CAST: variants seen among roughly 807,000 people sequenced by gnomAD.
CAST encodes MIR583 host.
Under a neutral mutation model 119.6 loss-of-function variants are expected in CAST, and 76 were observed. The ratio of observed to expected loss-of-function variants is 0.64; its 90% confidence interval spans 0.53 to 0.77. CAST has a LOEUF of 0.77. Among genes scored for constraint, CAST ranks in the 30% least tolerant of loss-of-function variants. CAST has a pLI of 0.00. For missense variants in CAST, 953 were observed against 946.5 expected (o/e 1.01, Z -0.09); for synonymous variants, 319 against 331.6 (o/e 0.96, Z 0.41).
chr5:96,400,846 G>A, the CAST span, among the ~76,000 whole-genome samples: 2 of 132,380 alleles, frequency 1.5e-5, no homozygotes, highest in Non-Finnish European at 3.2e-5. Context: ...CCAGCACTTT[G>A]GGAGGCCGAG....
intron 1 of CAST, among the ~76,000 whole-genome samples, chr5:96,593,557 G>T (rs1318393661): frequency 1.3e-5 from 2 of 152,236 alleles, no homozygotes; most frequent in Non-Finnish European, 1.5e-5. Context: ...CACATGAACA[G>T]AAGAGATACA....
the CAST span, among the ~76,000 whole-genome samples, chr5:96,281,673 C>T: frequency 3.3e-5 from 5 of 151,920 alleles, no homozygotes; most frequent in African/African-American, 4.8e-5. Context: ...AGCAGATGCG[C>T]GAGGAGAGAA....
the CAST span, among the ~76,000 whole-genome samples, chr5:96,130,021 C>CATT: frequency 7.7e-6 from 1 of 129,514 alleles, no homozygotes; most frequent in African/African-American, 2.9e-5. Context: ...AACACACACA[C>CATT]TTTTTTTTTT....
At chr5:96,393,045 G>T in the CAST span, 2 of 1,614,008 alleles carry the variant, frequency 1.2e-6, no homozygotes, top group South Asian at 1.1e-5. Context: ...TGAAGCAGCC[G>T]GTCGTCTCTG....
the CAST span, chr5:96,393,349 C>G: frequency 1.2e-6 from 2 of 1,614,028 alleles, no homozygotes; most frequent in Middle Eastern, 1.7e-4. Context: ...CCAGGGTGTT[C>G]TCCTTAGGGT....
At chr5:96,545,568 C>T (rs1307583640) in intron 1 of CAST, among the ~76,000 whole-genome samples, 2 of 152,166 alleles carry the variant, frequency 1.3e-5, no homozygotes, top group African/African-American at 2.4e-5. Context: ...AGTGATTTGC[C>T]AGTTTCTCCA....
the CAST span, among the ~76,000 whole-genome samples, chr5:96,143,993 C>A: frequency 6.6e-6 from 1 of 152,062 alleles, no homozygotes; most frequent in Non-Finnish European, 1.5e-5. Flanking sequence ...TATACATATA[C>A]TTGGTAGGAC....
chr5:96,343,434 G>C, the CAST span, among the ~76,000 whole-genome samples: 1 of 152,124 alleles, frequency 6.6e-6, no homozygotes, highest in South Asian at 2.1e-4. Context: ...TTTTTAGGGG[G>C]TTGAGAGGAG....
chr5:95,967,191 C>T, the CAST span, among the ~76,000 whole-genome samples: 17 of 152,084 alleles, frequency 1.1e-4, no homozygotes, highest in Non-Finnish European at 1.6e-4. Context: ...CACTTTTAAA[C>T]ATGCTAATAG....
At chr5:96,044,318 G>C in the CAST span, among the ~76,000 whole-genome samples, 5 of 152,130 alleles carry the variant, frequency 3.3e-5, no homozygotes, top group African/African-American at 1.2e-4. Context: ...CTCATGAATG[G>C]AATTAATGTT....
At chr5:96,456,700 C>T in the CAST span, among the ~76,000 whole-genome samples, 1 of 152,198 alleles carries the variant, frequency 6.6e-6, no homozygotes. Flanking sequence ...GGGCTTCTGT[C>T]TCATGAGGGA....
At chr5:96,744,643 C>T (rs756797035) in intron 16 of CAST, among the ~76,000 whole-genome samples, 1 of 152,142 alleles carries the variant, frequency 6.6e-6, no homozygotes, top group Non-Finnish European at 1.5e-5. Flanking sequence ...GAGGATCTTT[C>T]AGTCCTCTAG....
At chr5:96,567,684 C>A (rs2607166) in intron 1 of CAST, among the ~76,000 whole-genome samples, 49,412 of 151,738 alleles carry the variant, frequency 0.33, 8,671 homozygotes, top group Middle Eastern at 0.44. Context: ...TTCTTTTCTT[C>A]TTTTCATGTA....
intron 24 of CAST, among the ~76,000 whole-genome samples, chr5:96,759,636 G>A (rs1453857783): frequency 6.6e-6 from 1 of 151,852 alleles, no homozygotes; most frequent in Admixed American, 6.6e-5. Flanking sequence ...AAAGTTAACT[G>A]GCCAATAGTT....
chr5:96,111,475 A>T, the CAST span, among the ~76,000 whole-genome samples: 1 of 152,184 alleles, frequency 6.6e-6, no homozygotes, highest in Admixed American at 6.5e-5. Flanking sequence ...CCCTCCCCAG[A>T]TGGGGCTGAA....
chr5:95,967,120 T>C, the CAST span, among the ~76,000 whole-genome samples: 1 of 152,186 alleles, frequency 6.6e-6, no homozygotes, highest in Admixed American at 6.5e-5. Context: ...CAAATGTATT[T>C]CTGAATAAAC....
intron 1 of CAST, among the ~76,000 whole-genome samples, chr5:96,618,811 G>C (rs183928580): frequency 0.021 from 3,196 of 152,256 alleles, 51 homozygotes; most frequent in Non-Finnish European, 0.033. Context: ...GTGGGCTCCC[G>C]GGGGACCTGA....
chr5:96,392,805 T>C, the CAST span: 2 of 643,336 alleles, frequency 3.1e-6, no homozygotes, highest in Non-Finnish European at 5.5e-6. Flanking sequence ...GAAATACCTA[T>C]GATCAATTCT....
chr5:96,747,395 T>A lies in CAST; in HGVS notation c.1332+3T>A. On this transcript the variant is annotated splice_donor_region_variant and intron_variant, in intron 18 of 31. Coordinates refer to ENST00000675179, the MANE Select transcript of CAST (RefSeq NM_001750.7). ...CAGAGCCTGAAGAAAAACCCAAGGT[T>A]AGGAAATACATTTTTTTCTGATACT... The A allele has an allele frequency of 6.4e-7, 1 of 1,564,212 alleles. No individual in the cohort carries two copies. The highest frequency in any genetic ancestry group is 2.2e-5 in the East Asian group (1 of 44,558).
Sources: allele counts gnomAD v4.1 joint callset (sites outside exome capture counted in the v4.1 genomes callset), GRCh38; gene constraint gnomAD v4.1.1; transcripts MANE v1.5; gene names NCBI Gene and HGNC (gene_info 2026-07-23, HGNC 2026-07-21).